Variants in ASNS observed in about 807,000 individuals in gnomAD.
The protein encoded by ASNS is asparagine synthetase (glutamine-hydrolyzing).
ASNS carries 37 observed loss-of-function variants against 62.6 expected under a neutral mutation model. The observed-to-expected ratio is 0.59, with a 90% CI of 0.45 to 0.78. The LOEUF is 0.78. Ranked by LOEUF, ASNS falls within the 30% of genes least tolerant of loss-of-function variation. The pLI, the probability that ASNS is intolerant of heterozygous loss-of-function variation, is 0.00. For synonymous variants in ASNS, 207 were observed against 237.9 expected (o/e 0.87, Z 1.19); for missense variants, 520 against 682.4 (o/e 0.76, Z 2.65).
chr7:97,909,578 G>T, the ASNS span, among the ~76,000 whole-genome samples: 1 of 152,044 alleles, frequency 6.6e-6, no homozygotes, highest in African/African-American at 2.4e-5. Flanking sequence ...CAAGTGCTAA[G>T]ATTACAGGTG....
At chr7:97,879,274 A>G in the ASNS span, among the ~76,000 whole-genome samples, 1 of 152,240 alleles carries the variant, frequency 6.6e-6, no homozygotes, top group Non-Finnish European at 1.5e-5. Flanking sequence ...AGCAATGGCA[A>G]CAAAAGCCAA....
the ASNS span, among the ~76,000 whole-genome samples, chr7:97,922,657 C>T: frequency 0.036 from 5,476 of 152,256 alleles, 192 homozygotes; most frequent in African/African-American, 0.09. Context: ...GTAACGTATA[C>T]ATACTTCAAT....
the ASNS span, among the ~76,000 whole-genome samples, chr7:97,893,960 A>G: frequency 6.6e-6 from 1 of 152,306 alleles, no homozygotes; most frequent in Non-Finnish European, 1.5e-5. Flanking sequence ...TCTCCAGGAT[A>G]GACCATATGT....
chr7:97,882,008 C>G, the ASNS span, among the ~76,000 whole-genome samples: 1 of 152,070 alleles, frequency 6.6e-6, no homozygotes. Flanking sequence ...TGTACCACCA[C>G]GCCTGGCTAA....
At chr7:97,870,691 T>C (rs890760998) in intron 1 of ASNS, among the ~76,000 whole-genome samples, 1 of 152,236 alleles carries the variant, frequency 6.6e-6, no homozygotes, top group African/African-American at 2.4e-5. Flanking sequence ...TGACTACTAA[T>C]AAGCCATCTG....
intron 3 of ASNS, among the ~76,000 whole-genome samples, chr7:97,868,601 T>C (rs1792092494): frequency 6.6e-6 from 1 of 152,014 alleles, no homozygotes; most frequent in African/African-American, 2.4e-5. Context: ...ATCTAGGTGC[T>C]TGTTGTTCTG....
At chr7:97,875,385 C>T (rs141102210), upstream of ASNS, among the ~76,000 whole-genome samples, 860 of 152,316 alleles carry the variant, frequency 5.6e-3, 2 homozygotes, top group Non-Finnish European at 7.6e-3. Flanking sequence ...ATGATCCACC[C>T]GCCTTGGCCT....
At chr7:97,912,751 T>A in the ASNS span, among the ~76,000 whole-genome samples, 3 of 151,062 alleles carry the variant, frequency 2.0e-5, no homozygotes, top group Non-Finnish European at 4.4e-5. Flanking sequence ...CCTGGCTAAT[T>A]TTTGTATTTT....
chr7:97,894,231 A>G, the ASNS span, among the ~76,000 whole-genome samples: 1 of 152,004 alleles, frequency 6.6e-6, no homozygotes, highest in Non-Finnish European at 1.5e-5. Flanking sequence ...GTACTAGGAG[A>G]AAAGTTTATA....
the ASNS span, among the ~76,000 whole-genome samples, chr7:97,896,657 C>T: frequency 4.5e-5 from 5 of 110,316 alleles, no homozygotes; most frequent in Non-Finnish European, 5.6e-5. Flanking sequence ...TGTATATATA[C>T]GTATATATGT....
the ASNS span, among the ~76,000 whole-genome samples, chr7:97,889,927 CAAAAAAAA>C: frequency 7.3e-4 from 28 of 38,568 alleles, no homozygotes; most frequent in East Asian, 3.5e-3. Flanking sequence ...ATAATGAATA[CAAAAAAAA>C]AAAAAAAAAA....
the ASNS span, among the ~76,000 whole-genome samples, chr7:97,888,886 CACTT>C: frequency 6.6e-6 from 1 of 152,186 alleles, no homozygotes; most frequent in Non-Finnish European, 1.5e-5. Context: ...CTAGTGCTCA[CACTT>C]ACTACTGAGA....
the ASNS span, among the ~76,000 whole-genome samples, chr7:97,893,468 C>T: frequency 4.6e-5 from 7 of 152,260 alleles, no homozygotes; most frequent in African/African-American, 1.4e-4. Context: ...GACCCAACAA[C>T]GTCTACAAGA....
rs138299423 is a variant in ASNS, at chr7:97,859,374, G to A, written c.512C>T (p.Ala171Val). The change falls in exon 5 of 13, where the codon GCG becomes GTG. Residue 171 changes from alanine to valine, a missense_variant. Transcript: ENST00000394308. ...AKGLVTLKHS[A>V]TPFLKVEPFL... ...AGGCTCCACTTTTAAAAAGGGAGTC[G>A]CGGAGTGCTTCAATGTAACAAGACC... is the stretch of plus-strand genomic sequence containing the variant. 4.3e-5 allele frequency: 70 copies of A among 1,612,390 alleles called. No individual in the cohort carries two copies. The highest frequency in any genetic ancestry group is 1.1e-4 in the African/African-American group (8 of 74,836).
At chr7:97,918,346 A>C in the ASNS span, among the ~76,000 whole-genome samples, 1 of 152,208 alleles carries the variant, frequency 6.6e-6, no homozygotes, top group Non-Finnish European at 1.5e-5. Context: ...ATCTCACAGA[A>C]ATGCAGGCAC....
the ASNS span, among the ~76,000 whole-genome samples, chr7:97,904,833 C>T: frequency 6.6e-6 from 1 of 152,186 alleles, no homozygotes; most frequent in African/African-American, 2.4e-5. Context: ...CAACAATAGG[C>T]ACATTTCTGT....
chr7:97,858,282 C>T lies in ASNS; in HGVS notation c.899G>A (p.Arg300Lys). ...GGGACAGAGACAGCACCTTACCTTT[C>T]TAGCAGCCAGTAAATCGGGGCTGTC... ...MEDSPDLLAA[R>K]KVADHIGSEH... Residue 300 changes from arginine (R) to lysine (K), a missense_variant, in exon 7 of 13, where the codon AGA becomes AAA. Physicochemically the swap from Arg to Lys is conservative, Grantham distance 26. Transcript: ENST00000394308. 2 of 1,612,940 alleles carry T rather than the reference C, an allele frequency of 1.2e-6. No homozygotes were observed. Among genetic ancestry groups the T allele is most frequent in the Non-Finnish European group, 1.7e-6 (2 of 1,179,950 alleles).
At chr7:97,914,529 CAGGT>C in the ASNS span, among the ~76,000 whole-genome samples, 46,662 of 151,980 alleles carry the variant, frequency 0.31, 8,525 homozygotes, top group East Asian at 0.49. Context: ...CCATGCTAGA[CAGGT>C]AGAGCCATGG....
chr7:97,921,626 G>A, the ASNS span, among the ~76,000 whole-genome samples: 1 of 152,138 alleles, frequency 6.6e-6, no homozygotes, highest in Non-Finnish European at 1.5e-5. Flanking sequence ...GCAGACGTGA[G>A]GGTCTCCCAG....
Sources: gnomAD v4.1 joint callset for allele counts (sites outside exome capture counted in the v4.1 genomes callset) on GRCh38, gnomAD v4.1.1 for gene constraint, MANE v1.5 for transcripts, NCBI Gene and HGNC (gene_info 2026-07-23, HGNC 2026-07-21) for gene names.